DCDC1: variants seen among roughly 807,000 people sequenced by gnomAD.
The protein encoded by DCDC1 is doublecortin domain containing 1, also known as doublecortin domain-containing protein 1.
In DCDC1, 200 loss-of-function variants were observed where a neutral mutation model predicts 178.3. That is an observed-to-expected ratio of 1.12 (90% CI 1.00 to 1.26). The LOEUF (loss-of-function observed/expected upper bound fraction) is 1.26. DCDC1 is among the 50% of genes most tolerant of loss of function. DCDC1 has a pLI of 0.00. For missense variants in DCDC1, 1,983 were observed against 1,749.2 expected (o/e 1.13, Z -2.38); for synonymous variants, 690 against 604.8 (o/e 1.14, Z -2.07).
At chr11:30,969,062 T>A (rs553838390) in intron 20 of DCDC1, among the ~76,000 whole-genome samples, 1 of 152,194 alleles carries the variant, frequency 6.6e-6, no homozygotes, top group South Asian at 2.1e-4. Flanking sequence ...TGATTCTTTT[T>A]TGGCCAAAGC....
chr11:31,359,322 A>C (rs547362504), intron 1 of DCDC1, among the ~76,000 whole-genome samples: 1 of 151,874 alleles, frequency 6.6e-6, no homozygotes, highest in Non-Finnish European at 1.5e-5. Flanking sequence ...TTCTCGGTAA[A>C]CTATCGCAAG....
At chr11:31,055,297 C>T (rs1955512114) in intron 20 of DCDC1, among the ~76,000 whole-genome samples, 3 of 152,154 alleles carry the variant, frequency 2.0e-5, no homozygotes, top group South Asian at 4.1e-4. Context: ...CCACCTTACT[C>T]CTGCAAGAAT....
chr11:31,096,698 TA>T (rs543052944), intron 15 of DCDC1, among the ~76,000 whole-genome samples: 2,008 of 143,230 alleles, frequency 0.014, 30 homozygotes, highest in African/African-American at 0.036. Flanking sequence ...ATTGTGTTAT[TA>T]AAAAAAAAAA....
intron 11 of DCDC1, among the ~76,000 whole-genome samples, chr11:31,125,473 T>C (rs1961467675): frequency 6.6e-6 from 1 of 152,104 alleles, no homozygotes; most frequent in African/African-American, 2.4e-5. Context: ...GATACATGCA[T>C]GTGTATGTTC....
chr11:31,304,238 C>T (rs542828847), intron 6 of DCDC1, among the ~76,000 whole-genome samples: 17 of 152,200 alleles, frequency 1.1e-4, no homozygotes, highest in Non-Finnish European at 2.2e-4. Context: ...TTATATGTCT[C>T]TTCTACAATA....
intron 25 of DCDC1, among the ~76,000 whole-genome samples, chr11:30,918,992 C>T (rs1483222059): frequency 6.6e-6 from 1 of 152,062 alleles, no homozygotes; most frequent in Non-Finnish European, 1.5e-5. Context: ...ATGCATGTCC[C>T]TCCTTAAATC....
At chr11:30,927,795 A>T (rs1946678792) in intron 22 of DCDC1, among the ~76,000 whole-genome samples, 1 of 152,198 alleles carries the variant, frequency 6.6e-6, no homozygotes. Flanking sequence ...GTGAATTATT[A>T]AATAACCAAA....
intron 7 of DCDC1, among the ~76,000 whole-genome samples, chr11:31,268,165 T>C (rs1259993649): frequency 1.3e-5 from 2 of 152,202 alleles, no homozygotes; most frequent in Admixed American, 6.5e-5. Flanking sequence ...AAAAGTATAA[T>C]GATGTCCTTC....
At chr11:31,010,147 A>G (rs1952087501) in intron 20 of DCDC1, among the ~76,000 whole-genome samples, 1 of 152,224 alleles carries the variant, frequency 6.6e-6, no homozygotes, top group South Asian at 2.1e-4. Context: ...TTCTGGAAAC[A>G]CCCTGACAGA....
chr11:31,126,079 A>C (rs576508979), intron 11 of DCDC1, among the ~76,000 whole-genome samples: 65 of 152,234 alleles, frequency 4.3e-4, no homozygotes, highest in African/African-American at 1.5e-3. Flanking sequence ...AGGGAAAACA[A>C]AACACTTTTT....
chr11:30,958,178 A>G (rs1948878768), intron 20 of DCDC1, among the ~76,000 whole-genome samples: 1 of 152,214 alleles, frequency 6.6e-6, no homozygotes, highest in African/African-American at 2.4e-5. Flanking sequence ...CCTGCTGATC[A>G]GAAGCCTCAA....
At chr11:31,267,912 C>G (rs1183954458) in intron 7 of DCDC1, among the ~76,000 whole-genome samples, 1 of 152,188 alleles carries the variant, frequency 6.6e-6, no homozygotes, top group Admixed American at 6.5e-5. Flanking sequence ...TCTCCTGTCA[C>G]TGGAGTGAAA....
intron 11 of DCDC1, among the ~76,000 whole-genome samples, chr11:31,111,302 A>C (rs1959171651): frequency 6.6e-6 from 1 of 152,158 alleles, no homozygotes; most frequent in African/African-American, 2.4e-5. Context: ...ATGAAAAAAA[A>C]AAACTACCTT....
chr11:31,157,325 A>T (rs1479483303), intron 9 of DCDC1, among the ~76,000 whole-genome samples: 1 of 147,068 alleles, frequency 6.8e-6, no homozygotes, highest in African/African-American at 2.5e-5. Flanking sequence ...CAGGAGTTCA[A>T]GGTTACAGAG....
chr11:30,871,551 ACTAT>A (rs780565589), intron 38 of DCDC1, among the ~76,000 whole-genome samples: 16 of 152,088 alleles, frequency 1.1e-4, no homozygotes, highest in Non-Finnish European at 1.5e-4. Context: ...TTCCCACTGC[ACTAT>A]CTATCTATCT....
intron 1 of DCDC1, among the ~76,000 whole-genome samples, chr11:31,348,288 G>A (rs1950909721): frequency 6.6e-6 from 1 of 152,122 alleles, no homozygotes; most frequent in Non-Finnish European, 1.5e-5. Context: ...TGACACAGCA[G>A]AGAAAAGCAT....
chr11:30,956,812 A>G (rs1948798934), intron 20 of DCDC1, among the ~76,000 whole-genome samples: 1 of 152,144 alleles, frequency 6.6e-6, no homozygotes, highest in Non-Finnish European at 1.5e-5. Context: ...TTTTAAATTT[A>G]TAACCACAAA....
At chr11:31,211,882 A>G (rs1316448549) in intron 9 of DCDC1, among the ~76,000 whole-genome samples, 1 of 152,116 alleles carries the variant, frequency 6.6e-6, no homozygotes, top group Non-Finnish European at 1.5e-5. Flanking sequence ...GGAGATCGAG[A>G]CCATCCTGGC....
At chr11:31,189,541 C>G (rs1463122938) in intron 9 of DCDC1, among the ~76,000 whole-genome samples, 3 of 152,192 alleles carry the variant, frequency 2.0e-5, no homozygotes, top group Non-Finnish European at 4.4e-5. Context: ...TCTGAAAGCT[C>G]TGGAGATCAG....
Sources: gnomAD v4.1 joint callset for allele counts (sites outside exome capture counted in the v4.1 genomes callset) on GRCh38, gnomAD v4.1.1 for gene constraint, MANE v1.5 for transcripts, NCBI Gene and HGNC (gene_info 2026-07-23, HGNC 2026-07-21) for gene names.